The following DLG3 variants were observed in gnomAD, a reference collection of about 807,000 sequenced individuals.
The protein encoded by DLG3 is discs large MAGUK scaffold protein 3.
A neutral mutation model predicts 64.1 loss-of-function variants in DLG3; 1 was observed. The observed-to-expected ratio is 0.02, with a 90% CI of 0.01 to 0.07. The LOEUF is 0.07. Among genes scored for constraint, DLG3 ranks in the 10% least tolerant of loss-of-function variants. The probability of loss-of-function intolerance (pLI) is 1.00; values close to 1 mark genes in which losing one functional copy is unlikely to be tolerated. For synonymous variants in DLG3, 245 were observed against 259.8 expected (o/e 0.94, Z 0.55); for missense variants, 429 against 669.5 (o/e 0.64, Z 3.96).
intron 10 of DLG3, among the ~76,000 whole-genome samples, chrX:70,485,622 T>G (rs1436964470): frequency 8.9e-6 from 1 of 112,117 alleles, no homozygotes; most frequent in Non-Finnish European, 1.9e-5. Flanking sequence ...TCATTTGCTT[T>G]GCATCGAGAA....
intron 9 of DLG3, among the ~76,000 whole-genome samples, chrX:70,470,606 T>G (rs1209560402): frequency 8.9e-6 from 1 of 111,794 alleles, no homozygotes; most frequent in Non-Finnish European, 1.9e-5. Context: ...TCATTGGTAG[T>G]CTGTACTATA....
chrX:70,493,031 A>G (rs2087386972), intron 12 of DLG3, among the ~76,000 whole-genome samples: 1 of 111,387 alleles, frequency 9.0e-6, no homozygotes, highest in African/African-American at 3.3e-5. Flanking sequence ...GAACTTCTGG[A>G]GCAGTAGAGG....
intron 13 of DLG3, among the ~76,000 whole-genome samples, chrX:70,496,832 CT>C (rs1415122370): frequency 8.9e-6 from 1 of 112,919 alleles, no homozygotes; most frequent in East Asian, 2.8e-4. Context: ...CTGTCACTGT[CT>C]TTTCTTTCCT....
intron 10 of DLG3, among the ~76,000 whole-genome samples, chrX:70,480,080 T>C (rs1400176342): frequency 8.9e-6 from 1 of 111,901 alleles, no homozygotes; most frequent in Non-Finnish European, 1.9e-5. Context: ...GCCAAGTACA[T>C]TGTATCCTCC....
chrX:70,464,279 CTT>C (rs1382802242), intron 9 of DLG3, among the ~76,000 whole-genome samples: 1 of 98,995 alleles, frequency 1.0e-5, no homozygotes, highest in Non-Finnish European at 2.0e-5. Context: ...TTTCCTTTCT[CTT>C]TTCTTTTGTC....
chrX:70,459,526 G>A (rs985333174), intron 9 of DLG3, among the ~76,000 whole-genome samples: 8 of 112,179 alleles, frequency 7.1e-5, no homozygotes, highest in African/African-American at 1.3e-4. Context: ...TGAAATTCCC[G>A]TTGTCATCCT....
At chrX:70,452,124 A>C (rs952644561) in intron 7 of DLG3, 98 bp downstream of exon 7, 34 of 1,127,129 alleles carry the variant, frequency 3.0e-5, no homozygotes, top group Non-Finnish European at 3.9e-5. Context: ...TAGTATGGCA[A>C]AGAAGAGGAT....
intron 6 of DLG3, among the ~76,000 whole-genome samples, chrX:70,451,500 C>T (rs1272351599): frequency 2.7e-5 from 3 of 111,740 alleles, no homozygotes. Context: ...GTATGTGCTG[C>T]CTTCCTCATA....
chrX:70,478,166 A>G (rs969931515), intron 9 of DLG3, among the ~76,000 whole-genome samples: 14 of 112,404 alleles, frequency 1.2e-4, no homozygotes, highest in African/African-American at 4.5e-4. Context: ...TTATGCGGCA[A>G]TTATAGGCCT....
At chrX:70,450,378 T>C (rs2086605737) in intron 5 of DLG3, 73 bp downstream of exon 5, 1 of 1,102,209 alleles carries the variant, frequency 9.1e-7, no homozygotes, top group Non-Finnish European at 1.2e-6. Context: ...TTACTCCGCC[T>C]AAACCTCACT....
Position 70,489,695 on chromosome X carries a change from G to A in DLG3, c.1521-2412G>A, listed in dbSNP as rs181890313. Among the ~76,000 whole-genome samples, 9 of 111,500 alleles carry A rather than the reference G, an allele frequency of 8.1e-5. No homozygotes were observed. In the East Asian group the frequency reaches 2.0e-3, roughly 24 times the overall value. On this transcript the variant is annotated intron_variant, in intron 10 of 18. Transcript: ENST00000374360. Reference sequence around the variant, plus strand: ...CCCGGCATCTAGAAAACATGTTTACGTCAACTCTACTTTATACACTTCAGC... The same window carrying A: ...CCCGGCATCTAGAAAACATGTTTACATCAACTCTACTTTATACACTTCAGC...
chrX:70,465,767 T>A (rs2086874137), intron 9 of DLG3, among the ~76,000 whole-genome samples: 5 of 111,983 alleles, frequency 4.5e-5, no homozygotes, highest in Admixed American at 3.8e-4. Flanking sequence ...TCCCATTAAC[T>A]TATGTCATGA....
chrX:70,477,465 G>T (rs867110048), intron 9 of DLG3, among the ~76,000 whole-genome samples: 74 of 111,826 alleles, frequency 6.6e-4, no homozygotes, highest in African/African-American at 2.3e-3. Flanking sequence ...GCACCCAGGC[G>T]GTCTCCAGAG....
At chrX:70,494,495 T>C (rs73216734) in intron 12 of DLG3, among the ~76,000 whole-genome samples, 12,866 of 111,444 alleles carry the variant, frequency 0.12, 608 homozygotes, top group Middle Eastern at 0.18. Flanking sequence ...TCTGGGGTGG[T>C]ACCTGGTGGA....
At chrX:70,501,327 G>A (rs182070964) in intron 18 of DLG3, among the ~76,000 whole-genome samples, 1 of 110,031 alleles carries the variant, frequency 9.1e-6, no homozygotes, top group Admixed American at 9.8e-5. Context: ...TGCTTTGCAT[G>A]TTTAGGTGCT....
At chrX:70,466,502 G>C (rs1271013180) in intron 9 of DLG3, among the ~76,000 whole-genome samples, 1 of 105,359 alleles carries the variant, frequency 9.5e-6, no homozygotes, top group African/African-American at 3.5e-5. Context: ...GCAGTGGTGC[G>C]ATCTCAGCTC....
intron 1 of DLG3, 109 bp downstream of exon 1, chrX:70,445,667 C>A: frequency 5.5e-6 from 4 of 732,973 alleles, no homozygotes; most frequent in Non-Finnish European, 8.1e-6. Flanking sequence ...AGCCTGTGGA[C>A]CCCGAGCCCT....
At chrX:70,452,241 A>G in intron 7 of DLG3, 1 of 1,071,850 alleles carries the variant, frequency 9.3e-7, no homozygotes, top group Non-Finnish European at 1.2e-6. Flanking sequence ...CATCAGGGGG[A>G]GTGCCGAGTG....
chrX:70,499,532 C>T (rs746729842), intron 15 of DLG3, among the ~76,000 whole-genome samples: 1 of 111,731 alleles, frequency 9.0e-6, no homozygotes, highest in Admixed American at 9.5e-5. Context: ...TGGACAAATA[C>T]GGAGGCCCAG....
Sources: allele counts gnomAD v4.1 joint callset (sites outside exome capture counted in the v4.1 genomes callset), GRCh38; gene constraint gnomAD v4.1.1; transcripts MANE v1.5; gene names NCBI Gene and HGNC (gene_info 2026-07-23, HGNC 2026-07-21).